CCSER1: variants seen among roughly 807,000 people sequenced by gnomAD.
CCSER1 encodes serine-rich coiled-coil domain-containing protein 1.
A neutral mutation model predicts 82.0 loss-of-function variants in CCSER1; 41 were observed. That is an observed-to-expected ratio of 0.50 (90% confidence interval 0.39 to 0.65). The LOEUF (loss-of-function observed/expected upper bound fraction) is 0.65, where lower values mean the gene tolerates loss of function less well. Ranked by LOEUF, CCSER1 falls within the 30% of genes least tolerant of loss-of-function variation. The probability of loss-of-function intolerance (pLI) is 0.00; values close to 1 mark genes in which losing one functional copy is unlikely to be tolerated. For missense variants in CCSER1, 1,119 were observed against 1,064.2 expected (o/e 1.05, Z -0.72); for synonymous variants, 414 against 383.9 (o/e 1.08, Z -0.92).
intron 7 of CCSER1, among the ~76,000 whole-genome samples, chr4:90,793,555 T>C (rs1387703858): frequency 3.3e-5 from 5 of 152,186 alleles, no homozygotes; most frequent in African/African-American, 9.6e-5. Context: ...TACCACATTT[T>C]TTCTATCCAG....
At chr4:90,343,860 C>T (rs6835475) in intron 3 of CCSER1, among the ~76,000 whole-genome samples, 42,646 of 152,008 alleles carry the variant, frequency 0.28, 6,600 homozygotes, top group African/African-American at 0.41. Context: ...TAGCCATGCC[C>T]TCAAGGATTT....
At chr4:91,187,947 G>GT (rs34777875) in intron 10 of CCSER1, among the ~76,000 whole-genome samples, 3,269 of 151,544 alleles carry the variant, frequency 0.022, 79 homozygotes, top group South Asian at 0.11. Context: ...ATCATGAGAA[G>GT]TTTTTTTTTG....
intron 10 of CCSER1, among the ~76,000 whole-genome samples, chr4:91,487,799 A>T (rs1446320051): frequency 6.6e-6 from 1 of 152,030 alleles, no homozygotes; most frequent in East Asian, 1.9e-4. Flanking sequence ...CATTATACAT[A>T]ACATTCAACT....
At chr4:91,274,259 A>G (rs1165143313) in intron 10 of CCSER1, among the ~76,000 whole-genome samples, 1 of 152,174 alleles carries the variant, frequency 6.6e-6, no homozygotes, top group Non-Finnish European at 1.5e-5. Flanking sequence ...CATGCATAGA[A>G]TGTGTAATGA....
intron 10 of CCSER1, among the ~76,000 whole-genome samples, chr4:91,300,105 T>A (rs1744552213): frequency 6.6e-6 from 1 of 151,968 alleles, no homozygotes; most frequent in Admixed American, 6.6e-5. Context: ...ATAATCCTTT[T>A]GGAAGAGAGA....
At chr4:90,154,462 C>T (rs1238809298) in intron 1 of CCSER1, among the ~76,000 whole-genome samples, 2 of 152,006 alleles carry the variant, frequency 1.3e-5, no homozygotes, top group Non-Finnish European at 2.9e-5. Flanking sequence ...CTATAAATTA[C>T]CTTGGGCAGT....
chr4:90,571,902 A>G (rs1366659201), intron 5 of CCSER1, among the ~76,000 whole-genome samples: 1 of 152,160 alleles, frequency 6.6e-6, no homozygotes, highest in African/African-American at 2.4e-5. Flanking sequence ...TATATTTAAG[A>G]TATAAATAAC....
chr4:90,128,516 TGC>T (rs1553934318), intron 1 of CCSER1, among the ~76,000 whole-genome samples: 2,112 of 128,546 alleles, frequency 0.016, 50 homozygotes, highest in African/African-American at 0.064. Context: ...TGTGTGTGTG[TGC>T]GCGCGCGCGC....
chr4:90,397,090 A>C (rs2153542437), intron 3 of CCSER1, among the ~76,000 whole-genome samples: 1 of 152,292 alleles, frequency 6.6e-6, no homozygotes, highest in African/African-American at 2.4e-5. Flanking sequence ...TTTATTATGA[A>C]GTTTCACCAG....
chr4:90,825,067 A>C (rs1255128037), intron 8 of CCSER1, among the ~76,000 whole-genome samples: 3 of 152,208 alleles, frequency 2.0e-5, no homozygotes, highest in South Asian at 2.1e-4. Context: ...AAAAAGATAC[A>C]ATCTTTAATA....
chr4:90,879,675 A>G (rs1720991788), intron 8 of CCSER1, among the ~76,000 whole-genome samples: 1 of 151,756 alleles, frequency 6.6e-6, no homozygotes, highest in African/African-American at 2.4e-5. Context: ...GAAGAAGAAG[A>G]AAGAAGAAGA....
At chr4:90,295,834 C>A (rs750058575) in intron 1 of CCSER1, among the ~76,000 whole-genome samples, 2 of 152,000 alleles carry the variant, frequency 1.3e-5, no homozygotes, top group Admixed American at 1.3e-4. Context: ...CACATATCCC[C>A]AGTGTCCCCA....
intron 5 of CCSER1, among the ~76,000 whole-genome samples, chr4:90,493,791 G>A (rs905209242): frequency 6.6e-6 from 1 of 152,094 alleles, no homozygotes; most frequent in Admixed American, 6.5e-5. Flanking sequence ...GGAACAACCG[G>A]TACCAGCTAC....
chr4:91,473,014 A>C (rs1445399218), intron 10 of CCSER1, among the ~76,000 whole-genome samples: 5 of 151,912 alleles, frequency 3.3e-5, no homozygotes, highest in African/African-American at 1.2e-4. Context: ...TCCCTGGTTA[A>C]GTTGTGGTTA....
intron 10 of CCSER1, among the ~76,000 whole-genome samples, chr4:91,469,171 T>A (rs2149441851): frequency 6.6e-6 from 1 of 152,312 alleles, no homozygotes; most frequent in East Asian, 1.9e-4. Context: ...ATTTCAAATT[T>A]TTGACAAGCT....
At chr4:91,298,719 G>A (rs1327770792) in intron 10 of CCSER1, among the ~76,000 whole-genome samples, 1 of 151,928 alleles carries the variant, frequency 6.6e-6, no homozygotes, top group African/African-American at 2.4e-5. Flanking sequence ...GAGCATGGAG[G>A]CATCCTGGCC....
chr4:90,414,438 G>A (rs1285527794), intron 4 of CCSER1, among the ~76,000 whole-genome samples: 4 of 151,766 alleles, frequency 2.6e-5, no homozygotes, highest in Non-Finnish European at 4.4e-5. Flanking sequence ...TTTTCTTGTG[G>A]TAAAATATTA....
chr4:91,370,050 T>C (rs548257874), intron 10 of CCSER1, among the ~76,000 whole-genome samples: 1 of 152,056 alleles, frequency 6.6e-6, no homozygotes, highest in Non-Finnish European at 1.5e-5. Flanking sequence ...TTGTGGTTTC[T>C]TAAAATTGAT....
chr4:90,605,491 A>G (rs760368348), intron 5 of CCSER1, among the ~76,000 whole-genome samples: 6 of 152,244 alleles, frequency 3.9e-5, no homozygotes, highest in Non-Finnish European at 8.8e-5. Flanking sequence ...TTGAGAAACA[A>G]AAATATAGAC....
Sources: allele counts gnomAD v4.1 joint callset (sites outside exome capture counted in the v4.1 genomes callset), GRCh38; gene constraint gnomAD v4.1.1; transcripts MANE v1.5; gene names NCBI Gene and HGNC (gene_info 2026-07-23, HGNC 2026-07-21).